Variants in CMYA5 observed in about 807,000 individuals in gnomAD.
The protein encoded by CMYA5 is cardiomyopathy-associated protein 5.
Under a neutral mutation model 318.9 loss-of-function variants are expected in CMYA5, and 246 were observed. The ratio of observed to expected loss-of-function variants is 0.77; its 90% CI spans 0.70 to 0.86. CMYA5 has a LOEUF of 0.86. Among genes scored for constraint, CMYA5 ranks in the 40% least tolerant of loss-of-function variants. The pLI, the probability that CMYA5 is intolerant of heterozygous loss-of-function variation, is 0.00. For missense variants in CMYA5, 4,589 were observed against 4,678.2 expected, an observed-to-expected ratio of 0.98 and a Z score of 0.56; for synonymous variants, 1,641 against 1,729.5, an observed-to-expected ratio of 0.95 and a Z score of 1.27.
In CMYA5 at chr5:79,730,563, G is replaced by A. The variant is rs1827868602; in HGVS notation, c.1798G>A (p.Val600Ile). ...TGSAFVSEYS[V>I]PQDLNHELQE... The stretch of plus-strand genomic sequence containing the variant: ...TTCTGCTTTTGTATCAGAGTATTCA[G>A]TACCACAGGATTTGAACCATGAATT... Residue 600 changes from valine (V) to isoleucine (I), a missense_variant, in exon 2 of 13, where the codon GTA (valine) becomes ATA (isoleucine). Around this residue, in one of 3 missense-constraint regions of CMYA5, gnomAD observed 2,132 missense variants for 2,131.3 expected, o/e 1.00. Transcript: ENST00000446378. 1.2e-6 allele frequency: 2 copies of A among 1,613,994 alleles called. No individual in the cohort carries two copies. The highest frequency in any genetic ancestry group is 1.7e-5 in the Admixed American group (1 of 60,026).
chr5:79,720,427 A>ATT (rs1827600043), intron 1 of CMYA5, among the ~76,000 whole-genome samples: 1 of 136,806 alleles, frequency 7.3e-6, no homozygotes, highest in African/African-American at 2.9e-5. Context: ...CTGCCAATCT[A>ATT]ATTTTTTTTT....
intron 11 of CMYA5, among the ~76,000 whole-genome samples, chr5:79,792,484 C>A (rs1389127887): frequency 2.6e-5 from 4 of 152,070 alleles, no homozygotes; most frequent in Non-Finnish European, 5.9e-5. Flanking sequence ...TATTATTAAC[C>A]TGAAAATCAG....
At chr5:79,724,546 A>G (rs1377242336) in intron 1 of CMYA5, among the ~76,000 whole-genome samples, 1 of 152,182 alleles carries the variant, frequency 6.6e-6, no homozygotes, top group African/African-American at 2.4e-5. Flanking sequence ...GCTTCCCAAG[A>G]CATTATTTGT....
rs758051491 is a variant in CMYA5, at chr5:79,734,492, A to C, written c.5727A>C (p.Arg1909Ser). 1 of 1,613,740 alleles carries C rather than the reference A, an allele frequency of 6.2e-7. No homozygotes were observed. Among genetic ancestry groups the C allele is most frequent in the South Asian group, 1.1e-5 (1 of 91,066 alleles). Residue 1909 changes from arginine (R) to serine (S), a missense_variant, in exon 2 of 13, where the codon AGA becomes AGC. By Grantham distance (110) the Arg-to-Ser change is moderately radical (BLOSUM62 -1). Coordinates refer to ENST00000446378, the MANE Select transcript of CMYA5 (RefSeq NM_153610.5). ...ATGTGGCTAGTCAACACGAACAGAG[A>C]ATAGCAGGATCTGTGCAGCTGGATT... ...PENVASQHEQ[R>S]IAGSVQLDSS...
intron 1 of CMYA5, among the ~76,000 whole-genome samples, chr5:79,702,739 A>T (rs1034724451): frequency 2.6e-5 from 4 of 152,172 alleles, no homozygotes; most frequent in African/African-American, 7.2e-5. Context: ...GTACACTTTA[A>T]AAGGGTGAAT....
intron 1 of CMYA5, among the ~76,000 whole-genome samples, chr5:79,720,065 C>T (rs991142798): frequency 1.3e-5 from 2 of 152,126 alleles, no homozygotes; most frequent in Non-Finnish European, 2.9e-5. Context: ...TGAAATGTTT[C>T]AATTTGTGAA....
At chr5:79,798,006 G>C (rs116430009) in intron 12 of CMYA5, among the ~76,000 whole-genome samples, 1 of 152,114 alleles carries the variant, frequency 6.6e-6, no homozygotes, top group African/African-American at 2.4e-5. Context: ...TACCTGAAAC[G>C]TTTAGTCTGT....
At chr5:79,749,183 G>T (rs1399350021) in intron 5 of CMYA5, among the ~76,000 whole-genome samples, 1 of 152,136 alleles carries the variant, frequency 6.6e-6, no homozygotes, top group African/African-American at 2.4e-5. Context: ...TCTCTTAAAG[G>T]AGAGTACACT....
chr5:79,742,858 G>C (rs1022373297), intron 2 of CMYA5, among the ~76,000 whole-genome samples: 2 of 152,190 alleles, frequency 1.3e-5, no homozygotes, highest in African/African-American at 2.4e-5. Context: ...GGAGTGAAAC[G>C]GTGGGGTAGG....
rs543131593 is a variant in CMYA5, at chr5:79,770,359, A to C, written c.11555+7150A>C. 3.9e-5 allele frequency among the ~76,000 whole-genome samples: 6 copies of C among 152,138 alleles called. No individual in the cohort carries two copies. The South Asian group carries it at 1.2e-3, about 32-fold the overall frequency. On this transcript the variant is annotated intron_variant, in intron 9 of 12. Transcript: ENST00000446378. ...AGGAGCCACTGGGTTATGAAAAAAA[A>C]ACTCCAGCAGCTGGCTCAGTGCCTG...
chr5:79,778,224 C>A (rs1236291671), intron 9 of CMYA5: 1 of 152,138 alleles, frequency 6.6e-6, no homozygotes, highest in East Asian at 1.9e-4. Flanking sequence ...AGTAATAAAC[C>A]TTGTGCATAT....
At chr5:79,796,211 A>G (rs1829272706) in intron 12 of CMYA5, among the ~76,000 whole-genome samples, 1 of 152,240 alleles carries the variant, frequency 6.6e-6, no homozygotes, top group Non-Finnish European at 1.5e-5. Context: ...GACCAGCGTT[A>G]TGCAATAGGA....
intron 9 of CMYA5, among the ~76,000 whole-genome samples, chr5:79,778,840 T>TGTGTGTGTGTGTGTGTGTG (rs1453105123): frequency 2.2e-4 from 27 of 122,096 alleles, no homozygotes; most frequent in East Asian, 1.6e-3. Flanking sequence ...TGTGTGTATG[T>TGTGTGTGTGTGTGTGTGTG]TTATTCACTC....
At position 79,752,667 on chromosome 5, in the gene CMYA5, C is replaced by G. The variant is rs1828451315; in HGVS notation, c.10992-9C>G. 1 of 1,590,192 alleles carries G rather than the reference C, an allele frequency of 6.3e-7. No homozygotes were observed. Among genetic ancestry groups the G allele is most frequent in the Non-Finnish European group, 8.6e-7 (1 of 1,160,412 alleles). ...TTTTTAACTTATGTAGAGCTCTATT[C>G]CCCGATAGGTTGCTTTCTGCAATGG... On this transcript the variant is annotated splice_polypyrimidine_tract_variant and intron_variant, in intron 5 of 12. Coordinates refer to ENST00000446378, the MANE Select transcript of CMYA5 (RefSeq NM_153610.5).
chr5:79,753,547 G>C (rs144276048), intron 6 of CMYA5, among the ~76,000 whole-genome samples: 1 of 151,840 alleles, frequency 6.6e-6, no homozygotes, highest in South Asian at 2.1e-4. Context: ...CTAAGGGTTC[G>C]AATCCAGCCT....
rs1828112289 is a variant in CMYA5 at position 79,737,746 on chromosome 5, A to G, written c.8981A>G (p.Asp2994Gly). The G allele has an allele frequency of 6.2e-7, 1 of 1,611,658 alleles. No homozygotes were observed. Among genetic ancestry groups the G allele is most frequent in the Non-Finnish European group, 8.5e-7 (1 of 1,179,360 alleles). The change falls in exon 2 of 13, where the codon GAT becomes GGT. Residue 2994 changes from aspartate (D) to glycine (G), a missense_variant. Coordinates refer to ENST00000446378, the MANE Select transcript of CMYA5 (RefSeq NM_153610.5). ...TTTAAAACCATACCACTCCCTGATG[A>G]TAGTGAAACAGTTGCTTGTCATAAA... is the stretch of plus-strand genomic sequence containing the variant. ...ASFKTIPLPD[D>G]SETVACHKTL...
intron 6 of CMYA5, among the ~76,000 whole-genome samples, 187 bp from the exon 7 acceptor site, chr5:79,758,560 GTTAAAA>G (rs1002344204): frequency 1.3e-5 from 2 of 151,294 alleles, no homozygotes; most frequent in Non-Finnish European, 2.9e-5. Context: ...TTAAATTAAA[GTTAAAA>G]TTAAAATAAA....
Position 79,752,662 on chromosome 5 carries a change from C to G in CMYA5, c.10992-14C>G, listed in dbSNP as rs1580787107. The G allele has an allele frequency of 3.2e-6, 5 of 1,569,610 alleles. No homozygotes were observed. Among genetic ancestry groups the G allele is most frequent in the Non-Finnish European group, 3.5e-6 (4 of 1,142,680 alleles). ...ATAATTTTTTAACTTATGTAGAGCT[C>G]TATTCCCCGATAGGTTGCTTTCTGC... On this transcript the variant is annotated splice_polypyrimidine_tract_variant and intron_variant, in intron 5 of 12. Transcript: ENST00000446378.
chr5:79,776,071 C>A (rs1416392068), intron 9 of CMYA5, among the ~76,000 whole-genome samples: 1 of 152,064 alleles, frequency 6.6e-6, no homozygotes, highest in African/African-American at 2.4e-5. Flanking sequence ...GGATTCAGCC[C>A]CCATGTTACT....
Sources: allele counts gnomAD v4.1 joint callset (sites outside exome capture counted in the v4.1 genomes callset), GRCh38; gene constraint gnomAD v4.1.1; regional missense constraint gnomAD v4.1.1; transcripts MANE v1.5; gene names NCBI Gene and HGNC (gene_info 2026-07-23, HGNC 2026-07-21).